ADAMTS6: variants seen among roughly 807,000 people sequenced by gnomAD.
The protein encoded by ADAMTS6 is ADAM metallopeptidase with thrombospondin type 1 motif 6.
In ADAMTS6, 23 loss-of-function variants were observed where a neutral mutation model predicts 144.3. The ratio of observed to expected loss-of-function variants is 0.16; its 90% CI spans 0.11 to 0.23. The LOEUF (loss-of-function observed/expected upper bound fraction) is 0.23, where lower values mean the gene tolerates loss of function less well. ADAMTS6 is among the 10% of genes least tolerant of loss of function. The pLI, the probability that ADAMTS6 is intolerant of heterozygous loss-of-function variation, is 1.00. For synonymous variants in ADAMTS6, 444 were observed against 457.5 expected (o/e 0.97, Z 0.38); for missense variants, 999 against 1,379.6 (o/e 0.72, Z 4.37).
chr5:65,207,860 T>C (rs1264061719), intron 20 of ADAMTS6, among the ~76,000 whole-genome samples: 1 of 152,240 alleles, frequency 6.6e-6, no homozygotes, highest in East Asian at 1.9e-4. Context: ...CTGTATCAGA[T>C]AAACTTGAAA....
intron 12 of ADAMTS6, among the ~76,000 whole-genome samples, chr5:65,265,326 A>G (rs919877772): frequency 3.9e-5 from 6 of 152,072 alleles, no homozygotes; most frequent in African/African-American, 1.4e-4. Flanking sequence ...GATAATGTAT[A>G]CTTGAGAAGG....
chr5:65,479,964 T>G (rs539724934), intron 1 of ADAMTS6, among the ~76,000 whole-genome samples: 2 of 152,300 alleles, frequency 1.3e-5, no homozygotes, highest in African/African-American at 4.8e-5. Flanking sequence ...TTCAAAACAC[T>G]AACGATCACA....
intron 9 of ADAMTS6, among the ~76,000 whole-genome samples, chr5:65,318,376 T>G (rs1283202476): frequency 6.6e-6 from 1 of 152,150 alleles, no homozygotes; most frequent in Non-Finnish European, 1.5e-5. Context: ...ATCCCTCTGC[T>G]AGGTATATAC....
chr5:65,189,736 C>A (rs10805394), intron 21 of ADAMTS6, among the ~76,000 whole-genome samples: 53,836 of 152,046 alleles, frequency 0.35, 10,000 homozygotes, highest in Admixed American at 0.47. Context: ...GAAAACAGTT[C>A]TCCAAAATCG....
intron 7 of ADAMTS6, among the ~76,000 whole-genome samples, chr5:65,376,455 AAAAAGG>A (rs1444476555): frequency 2.0e-5 from 3 of 151,952 alleles, no homozygotes; most frequent in Non-Finnish European, 4.4e-5. Flanking sequence ...CATCTCAAAA[AAAAAGG>A]AAGGAAAGAA....
At chr5:65,468,458 A>T (rs962705231) in intron 3 of ADAMTS6, among the ~76,000 whole-genome samples, 1 of 151,314 alleles carries the variant, frequency 6.6e-6, no homozygotes, top group Admixed American at 6.6e-5. Context: ...AAAAAAAAGT[A>T]ACATACAAAA....
chr5:65,258,154 G>A (rs1192683712), intron 14 of ADAMTS6, among the ~76,000 whole-genome samples: 1 of 152,130 alleles, frequency 6.6e-6, no homozygotes, highest in Admixed American at 6.6e-5. Flanking sequence ...GGAAGATTAG[G>A]AGTCCTAGAG....
chr5:65,173,904 C>A (rs942639811), intron 22 of ADAMTS6, among the ~76,000 whole-genome samples: 1 of 151,778 alleles, frequency 6.6e-6, no homozygotes, highest in African/African-American at 2.4e-5. Flanking sequence ...GTGTCTGTAG[C>A]CCCAGCTACT....
chr5:65,212,435 T>C (rs1756605909), intron 20 of ADAMTS6, among the ~76,000 whole-genome samples: 1 of 149,722 alleles, frequency 6.7e-6, no homozygotes, highest in South Asian at 2.1e-4. Flanking sequence ...TTTTTTTTTT[T>C]TTTTTTTTTT....
At chr5:65,476,926 G>A (rs1238192860) in intron 1 of ADAMTS6, among the ~76,000 whole-genome samples, 3 of 152,148 alleles carry the variant, frequency 2.0e-5, no homozygotes. Flanking sequence ...ATATTTATAA[G>A]TGGTATTGGT....
chr5:65,162,780 C>A (rs1178334554), intron 24 of ADAMTS6, among the ~76,000 whole-genome samples: 1 of 152,134 alleles, frequency 6.6e-6, no homozygotes, highest in Non-Finnish European at 1.5e-5. Context: ...TCTCTCCTAC[C>A]TTAACCTTGT....
At chr5:65,192,332 C>T (rs1313678326) in intron 21 of ADAMTS6, among the ~76,000 whole-genome samples, 1 of 151,994 alleles carries the variant, frequency 6.6e-6, no homozygotes, top group Non-Finnish European at 1.5e-5. Context: ...AACCATTTCT[C>T]CCAAAGTACA....
intron 4 of ADAMTS6, among the ~76,000 whole-genome samples, chr5:65,457,741 CTTTCTTTTTTT>C (rs1759324142): frequency 8.2e-6 from 1 of 122,204 alleles, no homozygotes; most frequent in Admixed American, 8.0e-5. Context: ...TTTTTTCTTT[CTTTCTTTTTTT>C]TTTTTTTTTT....
intron 7 of ADAMTS6, among the ~76,000 whole-genome samples, chr5:65,338,459 G>A (rs1747511767): frequency 6.6e-6 from 1 of 152,232 alleles, no homozygotes; most frequent in African/African-American, 2.4e-5. Flanking sequence ...AGTCACTTTT[G>A]CCTAGGCATG....
intron 20 of ADAMTS6, among the ~76,000 whole-genome samples, chr5:65,206,810 C>A (rs1278584252): frequency 1.4e-5 from 2 of 146,040 alleles, no homozygotes; most frequent in Non-Finnish European, 3.0e-5. Context: ...TGTTTATATG[C>A]TGTTTTTTTT....
At chr5:65,414,427 TAAG>T (rs1755323800) in intron 7 of ADAMTS6, among the ~76,000 whole-genome samples, 1 of 152,058 alleles carries the variant, frequency 6.6e-6, no homozygotes, top group Non-Finnish European at 1.5e-5. Flanking sequence ...CTGGGAACTC[TAAG>T]AAGGTCAAGG....
chr5:65,430,534 C>A (rs1400479996), intron 7 of ADAMTS6, among the ~76,000 whole-genome samples: 1 of 152,130 alleles, frequency 6.6e-6, no homozygotes, highest in African/African-American at 2.4e-5. Flanking sequence ...ACAGACAAGA[C>A]CTATAAACTT....
At chr5:65,314,308 C>G (rs1456275079) in intron 9 of ADAMTS6, among the ~76,000 whole-genome samples, 1 of 151,820 alleles carries the variant, frequency 6.6e-6, no homozygotes, top group Admixed American at 6.6e-5. Flanking sequence ...AACTGAAATA[C>G]AGAGAGAAAA....
chr5:65,362,531 A>C (rs187908995), intron 7 of ADAMTS6, among the ~76,000 whole-genome samples: 148 of 152,358 alleles, frequency 9.7e-4, no homozygotes, highest in African/African-American at 3.5e-3. Flanking sequence ...CTGTTTCTTA[A>C]AAAATAAAAT....
Sources: gnomAD v4.1 joint callset for allele counts (sites outside exome capture counted in the v4.1 genomes callset) on GRCh38, gnomAD v4.1.1 for gene constraint, MANE v1.5 for transcripts, NCBI Gene and HGNC (gene_info 2026-07-23, HGNC 2026-07-21) for gene names.